The following ARFGEF3 variants were observed in gnomAD, a reference collection of about 807,000 sequenced individuals.
The protein encoded by ARFGEF3 is brefeldin A-inhibited guanine nucleotide-exchange protein 3.
A neutral mutation model predicts 221.7 loss-of-function variants in ARFGEF3; 96 were observed. The observed-to-expected ratio is 0.43, with a 90% CI of 0.37 to 0.51. The LOEUF is 0.51. Ranked by LOEUF, ARFGEF3 falls within the 20% of genes least tolerant of loss-of-function variation. The pLI, the probability that ARFGEF3 is intolerant of heterozygous loss-of-function variation, is 0.00. For synonymous variants in ARFGEF3, 1,145 were observed against 1,126.8 expected, an observed-to-expected ratio of 1.02 and a Z score of -0.32; for missense variants, 2,410 against 2,789.9, an observed-to-expected ratio of 0.86 and a Z score of 3.07.
intron 12 of ARFGEF3, among the ~76,000 whole-genome samples, chr6:138,273,798 A>T (rs535214957): frequency 6.8e-4 from 103 of 152,368 alleles, no homozygotes; most frequent in African/African-American, 2.3e-3. Flanking sequence ...AGCATTTAAT[A>T]AATTATTCTT....
chr6:138,330,548 T>TA (rs1290093661), intron 32 of ARFGEF3, among the ~76,000 whole-genome samples: 1 of 152,166 alleles, frequency 6.6e-6, no homozygotes, highest in African/African-American at 2.4e-5. Flanking sequence ...CTCATGCCTG[T>TA]AATCCCAGCT....
At chr6:138,295,159 G>A (rs1371600567) in intron 20 of ARFGEF3, among the ~76,000 whole-genome samples, 2 of 152,062 alleles carry the variant, frequency 1.3e-5, no homozygotes, top group Non-Finnish European at 1.5e-5. Context: ...GGCCAGGAAG[G>A]GTCGGTAAAT....
rs9494960 is a variant in ARFGEF3 at position 138,201,850 on chromosome 6, T to C, written c.138-5192T>C. Among the ~76,000 whole-genome samples the C allele has an allele frequency of 7.1e-3, 1,088 of 152,262 alleles. 15 individuals are homozygous for C. The highest frequency in any genetic ancestry group is 0.024 in the African/African-American group (999 of 41,554). ...TTTTTTTTTAAAAAGTTCACATTGGTGCTTGTATTGAAAGATAATTATTGG... is the reference window on the plus strand; with the variant it reads ...TTTTTTTTTAAAAAGTTCACATTGGCGCTTGTATTGAAAGATAATTATTGG... On this transcript the variant is annotated intron_variant, in intron 2 of 33. Transcript: ENST00000251691.
chr6:138,195,072 G>A (rs1440455028), intron 2 of ARFGEF3, among the ~76,000 whole-genome samples: 3 of 132,182 alleles, frequency 2.3e-5, no homozygotes, highest in Admixed American at 9.2e-5. Context: ...GCGTGATCTC[G>A]GCTTACTGCA....
chr6:138,178,909 G>A (rs567217552), intron 2 of ARFGEF3, among the ~76,000 whole-genome samples: 2 of 152,148 alleles, frequency 1.3e-5, no homozygotes, highest in Non-Finnish European at 2.9e-5. Flanking sequence ...CTTAAATCCT[G>A]TGCCCTCTAC....
chr6:138,296,695 A>C, intron 20 of ARFGEF3, 115 bp from the exon 21 acceptor site: 1 of 1,254,394 alleles, frequency 8.0e-7, no homozygotes, highest in African/African-American at 1.5e-5. Context: ...TGGTTAGCCA[A>C]TATCGAATTA....
chr6:138,334,824 A>G lies in ARFGEF3; in HGVS notation c.5978A>G (p.Lys1993Arg), dbSNP rs759971641. The change falls in exon 33 of 34, where the codon AAA (lysine) becomes AGA (arginine). Residue 1993 changes from lysine to arginine, a missense_variant. Lys to Arg is a conservative substitution (Grantham distance 26, BLOSUM62 2). This residue lies in a region of ARFGEF3 where 339 missense variants were observed against 334.9 expected (regional missense o/e 1.01). Transcript: ENST00000251691. This position sits in a 1 kb window ranked among gnomAD's most constrained non-coding sequence, Gnocchi z 5.1. Reference sequence around the variant, plus strand: ...GACCTGCTGCTGCCCCCCAGCCCCAAAGTGGAGAAGAAGGATCCCAGCCGG... The same window carrying G: ...GACCTGCTGCTGCCCCCCAGCCCCAGAGTGGAGAAGAAGGATCCCAGCCGG... ...GGDLLLPPSP[K>R]VEKKDPSRKK... The G allele has an allele frequency of 1.9e-6, 3 of 1,601,224 alleles. No homozygotes were observed. The highest frequency in any genetic ancestry group is 1.7e-6 in the Non-Finnish European group (2 of 1,174,178).
intron 12 of ARFGEF3, among the ~76,000 whole-genome samples, chr6:138,269,231 C>A (rs368238551): frequency 1.3e-5 from 2 of 152,248 alleles, no homozygotes; most frequent in East Asian, 3.9e-4. Context: ...CCTTCTCTGC[C>A]TCACCGCTTC....
chr6:138,292,511 A>G (rs1258510983), intron 19 of ARFGEF3, among the ~76,000 whole-genome samples: 1 of 152,234 alleles, frequency 6.6e-6, no homozygotes, highest in Non-Finnish European at 1.5e-5. Context: ...TTGATGCCCA[A>G]CAACCATGCG....
Position 138,336,420 on chromosome 6 carries a change from C to T in ARFGEF3, c.6468C>T (p.Ile2156=), listed in dbSNP as rs376229653. 2.9e-5 allele frequency: 47 copies of T among 1,613,514 alleles called. No individual in the cohort carries two copies. The highest frequency in any genetic ancestry group is 2.3e-4 in the South Asian group (21 of 90,886). The change falls in exon 34 of 34, where the codon ATC becomes ATT. Residue 2156 remains isoleucine, a synonymous_variant. Coordinates refer to ENST00000251691, the MANE Select transcript of ARFGEF3 (RefSeq NM_020340.5). ...ISQLTCHVTD[I]RVRQAVREWL... ...AGCTGACCTGTCACGTGACCGACAT[C>T]AGAGTTCGCCAGGCTGTGAGGGAGT...
At chr6:138,210,904 TTGACTGCAGTCA>T (rs1215782114) in intron 4 of ARFGEF3, among the ~76,000 whole-genome samples, 1 of 152,220 alleles carries the variant, frequency 6.6e-6, no homozygotes, top group African/African-American at 2.4e-5. Flanking sequence ...TCAGAAAAGA[TTGACTGCAGTCA>T]TGACATTCTC....
At chr6:138,328,531 T>C (rs73774701) in intron 32 of ARFGEF3, among the ~76,000 whole-genome samples, 2,249 of 152,274 alleles carry the variant, frequency 0.015, 62 homozygotes, top group African/African-American at 0.051. Context: ...CCTCCTCTTA[T>C]AGAGACACCA....
chr6:138,183,713 A>C (rs1777125343), intron 2 of ARFGEF3, among the ~76,000 whole-genome samples: 1 of 152,172 alleles, frequency 6.6e-6, no homozygotes, highest in Non-Finnish European at 1.5e-5. Flanking sequence ...AGATCATCAT[A>C]ATACAGATGC....
At chr6:138,207,231 C>A in intron 3 of ARFGEF3, 108 bp downstream of exon 3, 1 of 795,046 alleles carries the variant, frequency 1.3e-6, no homozygotes, top group Non-Finnish European at 2.1e-6. Context: ...AAGACTCAGG[C>A]AGAAATTTGA....
chr6:138,333,323 A>G (rs1319606219), intron 32 of ARFGEF3, among the ~76,000 whole-genome samples: 1 of 152,204 alleles, frequency 6.6e-6, no homozygotes, highest in East Asian at 1.9e-4. Context: ...CCCAAGGGCA[A>G]AAAGACTTCC....
At chr6:138,178,209 C>T (rs1400034711) in intron 2 of ARFGEF3, among the ~76,000 whole-genome samples, 1 of 152,152 alleles carries the variant, frequency 6.6e-6, no homozygotes, top group Non-Finnish European at 1.5e-5. Flanking sequence ...ATTCTTATGT[C>T]CTAGGCCATC....
intron 23 of ARFGEF3, among the ~76,000 whole-genome samples, chr6:138,308,402 T>G (rs1779765048): frequency 6.6e-6 from 1 of 152,214 alleles, no homozygotes; most frequent in South Asian, 2.1e-4. Context: ...CAAAGGTCTA[T>G]CTAAACCTGC....
At chr6:138,268,730 A>G (rs1049043590) in intron 12 of ARFGEF3, among the ~76,000 whole-genome samples, 4 of 152,206 alleles carry the variant, frequency 2.6e-5, no homozygotes, top group Non-Finnish European at 4.4e-5. Context: ...GCAATTGATC[A>G]AGGGTCATCG....
intron 2 of ARFGEF3, among the ~76,000 whole-genome samples, chr6:138,192,773 T>G (rs1387244741): frequency 6.6e-6 from 1 of 152,160 alleles, no homozygotes; most frequent in African/African-American, 2.4e-5. Flanking sequence ...ATCAGATCAT[T>G]CTAACACTGC....
Sources: gnomAD v4.1 joint callset for allele counts (sites outside exome capture counted in the v4.1 genomes callset) on GRCh38, gnomAD v4.1.1 for gene constraint, gnomAD v4.1.1 regional missense constraint, Gnocchi (gnomAD v3.1) non-coding constraint, MANE v1.5 for transcripts, NCBI Gene and HGNC (gene_info 2026-07-23, HGNC 2026-07-21) for gene names.